Variants in EBF1 observed in about 807,000 individuals in gnomAD.
The protein encoded by EBF1 is EBF transcription factor 1.
In EBF1, 10 loss-of-function variants were observed where a neutral mutation model predicts 68.4. The ratio of observed to expected loss-of-function variants is 0.15; its 90% CI spans 0.09 to 0.25. The LOEUF (loss-of-function observed/expected upper bound fraction) is 0.25, where lower values mean the gene tolerates loss of function less well. Among genes scored for constraint, EBF1 ranks in the 10% least tolerant of loss-of-function variants. The pLI, the probability that EBF1 is intolerant of heterozygous loss-of-function variation, is 1.00. For synonymous variants in EBF1, 298 were observed against 299.8 expected (o/e 0.99, Z 0.06); for missense variants, 509 against 794.4 (o/e 0.64, Z 4.32).
At chr5:159,023,436 T>A (rs541278238) in intron 6 of EBF1, among the ~76,000 whole-genome samples, 1 of 152,132 alleles carries the variant, frequency 6.6e-6, no homozygotes, top group Non-Finnish European at 1.5e-5. Flanking sequence ...GATGCCCACA[T>A]TATGCTTTTT....
chr5:158,924,852 C>CAAAAA lies in EBF1; in HGVS notation c.555-84747_555-84743dup, dbSNP rs34744460. Among the ~76,000 whole-genome samples, 414 of 50,872 alleles carry CAAAAA rather than the reference C, an allele frequency of 8.1e-3. 10 individuals are homozygous for CAAAAA. The highest frequency in any genetic ancestry group is 0.017 in the African/African-American group (214 of 12,952). 33.4% of individuals were successfully genotyped at this position (50,872 alleles called of 152,430 possible). On this transcript the variant is annotated intron_variant, in intron 6 of 15. Transcript: ENST00000313708. ...TGGGCAACAGAGCGAGACTCTGTCT[C>CAAAAA]AAAAAAAAAAAAAAAAAAAAAAAAG...
chr5:159,011,675 T>C (rs1380824213), intron 6 of EBF1, among the ~76,000 whole-genome samples: 1 of 152,214 alleles, frequency 6.6e-6, no homozygotes, highest in East Asian at 1.9e-4. Flanking sequence ...TGTCTTTTGT[T>C]AGAACCCCCC....
At chr5:158,889,646 C>G (rs1489690821) in intron 6 of EBF1, among the ~76,000 whole-genome samples, 2 of 152,090 alleles carry the variant, frequency 1.3e-5, no homozygotes, top group East Asian at 3.9e-4. Flanking sequence ...AGCAGAAAAG[C>G]TTCACAAATT....
chr5:159,038,302 T>C (rs1770498735), intron 6 of EBF1, among the ~76,000 whole-genome samples: 1 of 152,164 alleles, frequency 6.6e-6, no homozygotes, highest in South Asian at 2.1e-4. Context: ...CACCCTACTC[T>C]GACCTTGCCC....
chr5:158,995,625 G>T (rs1382769102), intron 6 of EBF1, among the ~76,000 whole-genome samples: 4 of 152,202 alleles, frequency 2.6e-5, no homozygotes, highest in African/African-American at 4.8e-5. Context: ...TCTGCCATTT[G>T]TTAAGCTCTG....
At position 158,695,988 on chromosome 5, in the gene EBF1, C is replaced by CAAAAAAAA. The variant is rs58435135; in HGVS notation, c.*3115_*3122dup. The CAAAAAAAA allele has an allele frequency of 6.8e-6, 1 of 146,698 alleles. No individual in the cohort carries two copies. The allele number at this position is 146,698 out of a possible 1,614,324, so 9.1% of individuals were successfully genotyped here. A position where few individuals can be genotyped will look rare whatever the true frequency, so the allele number is the denominator to read the frequency against. The stretch of plus-strand genomic sequence containing the variant: ...AAAGTTTTTACAGCTTGAATTTTTG[C>CAAAAAAAA]AAAAAAAAAAAAAAAATTTAACAAT... On this transcript the variant is annotated 3_prime_UTR_variant, in exon 16 of 16. Coordinates refer to ENST00000313708, the MANE Select transcript of EBF1 (RefSeq NM_024007.5).
intron 6 of EBF1, among the ~76,000 whole-genome samples, chr5:158,948,500 A>G (rs962061544): frequency 2.0e-5 from 3 of 152,178 alleles, no homozygotes; most frequent in Non-Finnish European, 4.4e-5. Flanking sequence ...ATTTTTATCT[A>G]TTCCACTGGG....
intron 6 of EBF1, among the ~76,000 whole-genome samples, chr5:158,910,910 C>CT (rs1427914809): frequency 6.6e-6 from 1 of 152,214 alleles, no homozygotes; most frequent in Non-Finnish European, 1.5e-5. Context: ...CCACAAAACT[C>CT]TATTTCCAAT....
At chr5:158,860,327 A>G (rs1438970382) in intron 6 of EBF1, among the ~76,000 whole-genome samples, 2 of 152,218 alleles carry the variant, frequency 1.3e-5, no homozygotes, top group African/African-American at 4.8e-5. Flanking sequence ...CTGGATTCAA[A>G]TCCAGGTATG....
At chr5:159,029,351 A>G (rs963864312) in intron 6 of EBF1, among the ~76,000 whole-genome samples, 1 of 152,234 alleles carries the variant, frequency 6.6e-6, no homozygotes, top group Non-Finnish European at 1.5e-5. Flanking sequence ...ATTTGACATT[A>G]TGCATTGAGA....
In EBF1 at chr5:158,714,202, T is replaced by C. The variant is rs1176623451; in HGVS notation, c.1126-20A>G. The stretch of plus-strand genomic sequence containing the variant: ...TACTTCCTGTCAAGAGAAAAGCAGA[T>C]ACAATCCTTTGAGTGAAGGCAGGTT... On this transcript the variant is annotated intron_variant, in intron 11 of 15. Transcript: ENST00000313708. 6 of 1,613,858 alleles carry C rather than the reference T, an allele frequency of 3.7e-6. No homozygotes were observed. Among genetic ancestry groups the C allele is most frequent in the Non-Finnish European group, 5.1e-6 (6 of 1,179,816 alleles).
intron 6 of EBF1, among the ~76,000 whole-genome samples, chr5:158,998,305 G>T (rs956693670): frequency 6.6e-6 from 1 of 151,986 alleles, no homozygotes; most frequent in Non-Finnish European, 1.5e-5. Context: ...CAACCTCCTC[G>T]ACAAGGCTTT....
chr5:159,085,590 A>G (rs892601905), intron 4 of EBF1, among the ~76,000 whole-genome samples: 4 of 152,248 alleles, frequency 2.6e-5, no homozygotes, highest in Non-Finnish European at 5.9e-5. Context: ...CTATTAGCAG[A>G]GCAGGGCTCT....
At chr5:158,947,538 C>T (rs552923853) in intron 6 of EBF1, among the ~76,000 whole-genome samples, 44 of 152,320 alleles carry the variant, frequency 2.9e-4, no homozygotes, top group Admixed American at 5.2e-4. Flanking sequence ...TCTAACCAAT[C>T]CCAATGAGAT....
At chr5:158,933,276 C>T (rs1024718907) in intron 6 of EBF1, among the ~76,000 whole-genome samples, 1 of 151,818 alleles carries the variant, frequency 6.6e-6, no homozygotes. Flanking sequence ...GGGGATAGTT[C>T]AGCTGCAGGT....
At chr5:158,758,465 A>G (rs567265069) in intron 10 of EBF1, among the ~76,000 whole-genome samples, 2 of 152,352 alleles carry the variant, frequency 1.3e-5, no homozygotes, top group African/African-American at 4.8e-5. Flanking sequence ...TTGACTTTTG[A>G]CAATCTGTTT....
intron 4 of EBF1, among the ~76,000 whole-genome samples, chr5:159,091,239 G>A (rs62385443): frequency 1.3e-5 from 2 of 152,166 alleles, no homozygotes; most frequent in Admixed American, 6.5e-5. Context: ...CAGTTGGCCC[G>A]CCAGACTGGG....
Position 158,777,409 on chromosome 5 carries a change from T to C in EBF1, c.1036+4A>G. 1 of 1,610,392 alleles carries C rather than the reference T, an allele frequency of 6.2e-7. No individual in the cohort carries two copies. The highest frequency in any genetic ancestry group is 8.5e-7 in the Non-Finnish European group (1 of 1,178,020). On this transcript the variant is annotated splice_donor_region_variant and intron_variant, in intron 10 of 15. Transcript: ENST00000313708. ...CTGTGCTCACCATGTGCTGTGGTTC[T>C]TACCTGTATAAATGAATCTGCCTGG...
chr5:158,900,001 A>G (rs1391975168), intron 6 of EBF1, among the ~76,000 whole-genome samples: 1 of 152,184 alleles, frequency 6.6e-6, no homozygotes, highest in East Asian at 1.9e-4. Flanking sequence ...GGGAGGCAAG[A>G]GGCTTCCAGC....
Sources: allele counts gnomAD v4.1 joint callset (sites outside exome capture counted in the v4.1 genomes callset), GRCh38; gene constraint gnomAD v4.1.1; transcripts MANE v1.5; gene names NCBI Gene and HGNC (gene_info 2026-07-23, HGNC 2026-07-21).